PALM2AKAP2: variants seen among roughly 807,000 people sequenced by gnomAD.
PALM2AKAP2 encodes PALM2-AKAP2 fusion protein.
PALM2AKAP2 carries 37 observed loss-of-function variants against 71.5 expected under a neutral mutation model. The ratio of observed to expected loss-of-function variants is 0.52; its 90% CI spans 0.40 to 0.68. The LOEUF is 0.68. PALM2AKAP2 is among the 30% of genes least tolerant of loss of function. The pLI is 0.00. For missense variants in PALM2AKAP2, 1,224 were observed against 1,191.8 expected, an observed-to-expected ratio of 1.03 and a Z score of -0.40; for synonymous variants, 468 against 478.8, an observed-to-expected ratio of 0.98 and a Z score of 0.29.
chr9:109,675,310 CA>C (rs146908796), intron 1 of PALM2AKAP2, among the ~76,000 whole-genome samples: 24,882 of 152,050 alleles, frequency 0.16, 2,567 homozygotes, highest in African/African-American at 0.29. Context: ...GTAATATTTT[CA>C]AACATCTTAA....
At chr9:109,694,672 G>T (rs1587870826) in intron 1 of PALM2AKAP2, among the ~76,000 whole-genome samples, 1 of 151,918 alleles carries the variant, frequency 6.6e-6, no homozygotes, top group African/African-American at 2.4e-5. Flanking sequence ...AAATACTAAA[G>T]GTTTCTCTGG....
chr9:109,926,108 A>G (rs1830950751), intron 5 of PALM2AKAP2, among the ~76,000 whole-genome samples: 1 of 152,216 alleles, frequency 6.6e-6, no homozygotes, highest in Non-Finnish European at 1.5e-5. Context: ...GACTAGGAAG[A>G]TGATCAGGAG....
intron 1 of PALM2AKAP2, among the ~76,000 whole-genome samples, chr9:109,680,284 G>A (rs916771692): frequency 3.9e-5 from 6 of 152,292 alleles, no homozygotes; most frequent in Admixed American, 6.5e-5. Context: ...CCAGAGATAC[G>A]TACAGATGGG....
intron 1 of PALM2AKAP2, among the ~76,000 whole-genome samples, chr9:110,086,809 T>G (rs1834585179): frequency 6.6e-6 from 1 of 152,188 alleles, no homozygotes; most frequent in African/African-American, 2.4e-5. Flanking sequence ...TCTAGGGTCA[T>G]GAAGATCATT....
At chr9:109,858,061 T>C (rs934425070) in intron 1 of PALM2AKAP2, among the ~76,000 whole-genome samples, 1 of 152,278 alleles carries the variant, frequency 6.6e-6, no homozygotes, top group Non-Finnish European at 1.5e-5. Flanking sequence ...CCCTGCACTC[T>C]ACCAGGTGAT....
intron 3 of PALM2AKAP2, among the ~76,000 whole-genome samples, chr9:109,910,799 C>T (rs894637210): frequency 2.6e-5 from 4 of 151,380 alleles, no homozygotes; most frequent in Non-Finnish European, 5.9e-5. Flanking sequence ...CGCAGCAGGG[C>T]GGTGAGTGCA....
At chr9:110,115,312 G>A (rs1835339575) in intron 1 of PALM2AKAP2, among the ~76,000 whole-genome samples, 1 of 152,242 alleles carries the variant, frequency 6.6e-6, no homozygotes, top group Non-Finnish European at 1.5e-5. Flanking sequence ...ACCAGGGTCA[G>A]GTCGTCAGTG....
chr9:110,035,851 GATATGTTGTGTGTTATATA>G (rs2132438220), intron 7 of PALM2AKAP2, among the ~76,000 whole-genome samples: 1 of 139,022 alleles, frequency 7.2e-6, no homozygotes, highest in South Asian at 2.2e-4. Flanking sequence ...TAATATATAT[GATATGTTGTGTGTTATATA>G]TAACATATAT....
chr9:109,834,096 T>G (rs1247406169), intron 1 of PALM2AKAP2, among the ~76,000 whole-genome samples: 1 of 152,136 alleles, frequency 6.6e-6, no homozygotes, highest in Non-Finnish European at 1.5e-5. Context: ...ACCTGTAATC[T>G]CAGCTACTTG....
chr9:109,997,962 C>T (rs566941486), intron 6 of PALM2AKAP2, among the ~76,000 whole-genome samples: 1 of 152,218 alleles, frequency 6.6e-6, no homozygotes, highest in Admixed American at 6.5e-5. Flanking sequence ...CTAATGCCCA[C>T]CCTGCTGAGA....
chr9:110,093,486 A>G (rs1236760913), intron 1 of PALM2AKAP2, among the ~76,000 whole-genome samples: 1 of 152,240 alleles, frequency 6.6e-6, no homozygotes, highest in Non-Finnish European at 1.5e-5. Context: ...CCAAAAATTT[A>G]GCAAGATTAC....
intron 1 of PALM2AKAP2, among the ~76,000 whole-genome samples, chr9:110,065,190 AGTT>A (rs1834052419): frequency 6.6e-6 from 1 of 152,120 alleles, no homozygotes. Context: ...CATTTGTTCT[AGTT>A]GTTGTCCTTT....
exon 3 of PALM2AKAP2, chr9:109,880,623 A>G (rs781565478): frequency 8.7e-6 from 14 of 1,614,020 alleles, no homozygotes; most frequent in Non-Finnish European, 1.2e-5. Context: ...GGAAGCCAGG[A>G]GGCGGCAGTC....
At chr9:110,000,215 A>G (rs1588051942) in intron 6 of PALM2AKAP2, among the ~76,000 whole-genome samples, 1 of 121,014 alleles carries the variant, frequency 8.3e-6, no homozygotes, top group Non-Finnish European at 1.6e-5. Flanking sequence ...TCCTGTGTCC[A>G]TGTGTTTTCA....
At chr9:109,837,594 A>G (rs987938400) in intron 1 of PALM2AKAP2, among the ~76,000 whole-genome samples, 1 of 152,198 alleles carries the variant, frequency 6.6e-6, no homozygotes, top group African/African-American at 2.4e-5. Context: ...AAATTAGATA[A>G]AGAGTCAAGA....
At chr9:109,671,781 T>C (rs1827577417) in intron 1 of PALM2AKAP2, among the ~76,000 whole-genome samples, 1 of 152,170 alleles carries the variant, frequency 6.6e-6, no homozygotes, top group East Asian at 1.9e-4. Context: ...GAGCAGTGTT[T>C]TGTAGTTCTC....
chr9:110,078,160 T>C (rs1203994971), intron 1 of PALM2AKAP2, among the ~76,000 whole-genome samples: 5 of 152,212 alleles, frequency 3.3e-5, no homozygotes, highest in African/African-American at 4.8e-5. Flanking sequence ...TGTGTTATAA[T>C]AAAACTATTT....
intron 1 of PALM2AKAP2, chr9:109,867,192 G>GTGTGTGTGTC (rs1829472222): frequency 1.1e-5 from 5 of 436,990 alleles, no homozygotes; most frequent in South Asian, 6.6e-5. Context: ...GTGTGTGTGT[G>GTGTGTGTGTC]TGTGTGTGTG....
At chr9:109,744,262 A>G (rs560010348) in intron 1 of PALM2AKAP2, among the ~76,000 whole-genome samples, 1 of 152,336 alleles carries the variant, frequency 6.6e-6, no homozygotes, top group East Asian at 1.9e-4. Flanking sequence ...TCCAACCTCA[A>G]AATTATAGGT....
Sources: gnomAD v4.1 joint callset for allele counts (sites outside exome capture counted in the v4.1 genomes callset) on GRCh38, gnomAD v4.1.1 for gene constraint, MANE v1.5 for transcripts, NCBI Gene and HGNC (gene_info 2026-07-23, HGNC 2026-07-21) for gene names.